EPHB1: variants seen among roughly 807,000 people sequenced by gnomAD.
EPHB1 encodes ephrin type-B receptor 1.
EPHB1 carries 30 observed loss-of-function variants against 94.4 expected under a neutral mutation model. That is an observed-to-expected ratio of 0.32 (90% CI 0.24 to 0.43). The LOEUF is 0.43. Ranked by LOEUF, EPHB1 falls within the 20% of genes least tolerant of loss-of-function variation. The pLI, the probability that EPHB1 is intolerant of heterozygous loss-of-function variation, is 1.00. For synonymous variants in EPHB1, 522 were observed against 489.1 expected, an observed-to-expected ratio of 1.07 and a Z score of -0.89; for missense variants, 1,055 against 1,308.3, an observed-to-expected ratio of 0.81 and a Z score of 2.99.
At chr3:135,009,066 T>C (rs547694111) in intron 3 of EPHB1, among the ~76,000 whole-genome samples, 3 of 152,154 alleles carry the variant, frequency 2.0e-5, no homozygotes, top group Non-Finnish European at 4.4e-5. Flanking sequence ...AGGAACAGCA[T>C]AAACCCCCAT....
chr3:134,848,539 A>T (rs2036919197), intron 1 of EPHB1, among the ~76,000 whole-genome samples: 1 of 152,240 alleles, frequency 6.6e-6, no homozygotes, highest in Non-Finnish European at 1.5e-5. Flanking sequence ...TCTTTATTAA[A>T]CACCCCATTT....
chr3:135,103,947 A>G (rs922919547), intron 3 of EPHB1, among the ~76,000 whole-genome samples: 10 of 152,370 alleles, frequency 6.6e-5, no homozygotes, highest in African/African-American at 2.2e-4. Flanking sequence ...TGTGGATATC[A>G]GGACAATTGT....
intron 3 of EPHB1, among the ~76,000 whole-genome samples, chr3:135,102,245 C>T (rs1939057828): frequency 6.6e-6 from 1 of 152,140 alleles, no homozygotes; most frequent in Admixed American, 6.6e-5. Context: ...GAGCAGTCTC[C>T]AGGCTGCCAG....
At chr3:135,006,226 G>T (rs991790472) in intron 3 of EPHB1, among the ~76,000 whole-genome samples, 1 of 152,194 alleles carries the variant, frequency 6.6e-6, no homozygotes, top group African/African-American at 2.4e-5. Flanking sequence ...AGTGAAAGAA[G>T]CCAGACACAG....
chr3:134,951,985 G>T lies in EPHB1; in HGVS notation c.738G>T (p.Trp246Cys). 6.2e-7 allele frequency: 1 copy of T among 1,614,054 alleles called. No individual in the cohort carries two copies. The highest frequency in any genetic ancestry group is 8.5e-7 in the Non-Finnish European group (1 of 1,179,902). Residue 246 changes from tryptophan (W) to cysteine (C), a missense_variant, in exon 3 of 16, where the codon TGG (tryptophan) becomes TGT (cysteine). Transcript: ENST00000398015. This position sits in a 1 kb window ranked among gnomAD's most constrained non-coding sequence, Gnocchi z 4.5. Reference protein sequence around the residue: ...IKLYCNGDGEWMVPIGRCTCK... With the variant: ...IKLYCNGDGECMVPIGRCTCK... ...TCTACTGCAACGGGGATGGGGAATGGATGGTGCCTATTGGGCGATGCACCT... is the reference window on the plus strand; with the variant it reads ...TCTACTGCAACGGGGATGGGGAATGTATGGTGCCTATTGGGCGATGCACCT...
rs889213514 is a variant in EPHB1 at position 134,805,260 on chromosome 3, C to A, written c.58+9571C>A. On this transcript the variant is annotated intron_variant, in intron 1 of 15. Coordinates refer to ENST00000398015, the MANE Select transcript of EPHB1 (RefSeq NM_004441.5). Reference sequence around the variant, plus strand: ...AGCCCATCCGGGGATGCTCTCAGCTCCTTTGACAATGCCTCCAAATGGTTT... The same window carrying A: ...AGCCCATCCGGGGATGCTCTCAGCTACTTTGACAATGCCTCCAAATGGTTT... Among the ~76,000 whole-genome samples the A allele has an allele frequency of 3.3e-5, 5 of 152,232 alleles. No homozygotes were observed. The East Asian group carries it at 7.7e-4, about 24-fold the overall frequency.
At chr3:134,975,533 C>T (rs889772586) in intron 3 of EPHB1, among the ~76,000 whole-genome samples, 3 of 152,138 alleles carry the variant, frequency 2.0e-5, no homozygotes, top group Non-Finnish European at 4.4e-5. Context: ...GACTGTCTCC[C>T]CTAGCCCCTC....
intron 15 of EPHB1, among the ~76,000 whole-genome samples, chr3:135,253,484 G>T (rs1287501876): frequency 2.6e-5 from 4 of 151,594 alleles, no homozygotes; most frequent in Non-Finnish European, 5.9e-5. Context: ...TTTCCCCATT[G>T]CTTGTTTTTC....
intron 3 of EPHB1, among the ~76,000 whole-genome samples, chr3:134,972,448 G>T: frequency 7.1e-6 from 1 of 140,384 alleles, no homozygotes; most frequent in African/African-American, 2.6e-5. Flanking sequence ...TATATTATAT[G>T]TATTATAAAT....
intron 3 of EPHB1, among the ~76,000 whole-genome samples, chr3:135,050,955 C>T (rs932665615): frequency 4.7e-5 from 7 of 149,212 alleles, no homozygotes; most frequent in East Asian, 1.9e-4. Flanking sequence ...TGTTTAAGAA[C>T]GGAGGTTTAA....
intron 3 of EPHB1, among the ~76,000 whole-genome samples, chr3:135,018,122 A>G (rs1000207399): frequency 3.3e-5 from 5 of 152,052 alleles, no homozygotes; most frequent in African/African-American, 1.2e-4. Context: ...AGGGGAAAAA[A>G]CATCTTCTTC....
intron 3 of EPHB1, among the ~76,000 whole-genome samples, chr3:134,979,124 C>T (rs1559780651): frequency 6.6e-6 from 1 of 152,228 alleles, no homozygotes; most frequent in Non-Finnish European, 1.5e-5. Flanking sequence ...GAAATAATTA[C>T]TCTCATCTTA....
intron 3 of EPHB1, among the ~76,000 whole-genome samples, chr3:135,062,032 A>G (rs1308234314): frequency 6.6e-6 from 1 of 152,080 alleles, no homozygotes; most frequent in African/African-American, 2.4e-5. Context: ...AGTCTTTGCT[A>G]TTGTGAATAG....
intron 3 of EPHB1, among the ~76,000 whole-genome samples, chr3:135,089,723 T>C (rs1938490915): frequency 1.3e-5 from 2 of 152,190 alleles, no homozygotes; most frequent in Non-Finnish European, 2.9e-5. Flanking sequence ...CTCCTGTCAT[T>C]CCTTCAGCTC....
intron 1 of EPHB1, among the ~76,000 whole-genome samples, chr3:134,917,126 C>T (rs2038590345): frequency 6.6e-6 from 1 of 152,174 alleles, no homozygotes; most frequent in South Asian, 2.1e-4. Context: ...CCTGAGGATT[C>T]CAGAGACAGA....
rs76592045 is a variant in EPHB1, at chr3:135,182,332, G to A, written c.1882+2350G>A. Among the ~76,000 whole-genome samples the A allele has an allele frequency of 7.3e-3, 1,108 of 152,288 alleles. 20 individuals carry two copies. The highest frequency in any genetic ancestry group is 0.026 in the African/African-American group (1,063 of 41,558). On this transcript the variant is annotated intron_variant, in intron 10 of 15. Coordinates refer to ENST00000398015, the MANE Select transcript of EPHB1 (RefSeq NM_004441.5). ...GGGGGAAAACTTGGGTTGCAACATGGCAACAAAACATGAAAAGAAGAGTCG... is the reference window on the plus strand; with the variant it reads ...GGGGGAAAACTTGGGTTGCAACATGACAACAAAACATGAAAAGAAGAGTCG...
chr3:135,013,661 C>T (rs1372273800), intron 3 of EPHB1, among the ~76,000 whole-genome samples: 6 of 152,344 alleles, frequency 3.9e-5, no homozygotes, highest in East Asian at 1.9e-4. Flanking sequence ...CTTGGAACAA[C>T]TTAGCTCTAT....
At chr3:134,876,352 T>TCTG (rs1236636353) in intron 1 of EPHB1, among the ~76,000 whole-genome samples, 2 of 152,214 alleles carry the variant, frequency 1.3e-5, no homozygotes, top group African/African-American at 4.8e-5. Flanking sequence ...GGGCTCAGCC[T>TCTG]CTGTAGAGTT....
chr3:134,828,389 T>C (rs1405956480), intron 1 of EPHB1, among the ~76,000 whole-genome samples: 1 of 152,256 alleles, frequency 6.6e-6, no homozygotes, highest in Non-Finnish European at 1.5e-5. Flanking sequence ...TGGAGCATTT[T>C]AGGCTGAGAG....
Sources: allele counts gnomAD v4.1 joint callset (sites outside exome capture counted in the v4.1 genomes callset), GRCh38; gene constraint gnomAD v4.1.1; non-coding constraint Gnocchi (gnomAD v3.1); transcripts MANE v1.5; gene names NCBI Gene and HGNC (gene_info 2026-07-23, HGNC 2026-07-21).